The following PIK3CB variants were observed in gnomAD, a reference collection of about 807,000 sequenced individuals.
The protein encoded by PIK3CB is phosphatidylinositol-4,5-bisphosphate 3-kinase catalytic subunit beta, also known as phosphatidylinositol 4,5-bisphosphate 3-kinase catalytic subunit beta isoform.
Under a neutral mutation model 136.8 loss-of-function variants are expected in PIK3CB, and 39 were observed. That is an observed-to-expected ratio of 0.29 (90% CI 0.22 to 0.37). The LOEUF is 0.37. Among genes scored for constraint, PIK3CB ranks in the 10% least tolerant of loss-of-function variants. PIK3CB has a pLI of 1.00. For synonymous variants in PIK3CB, 428 were observed against 436.6 expected (o/e 0.98, Z 0.25); for missense variants, 868 against 1,275.4 (o/e 0.68, Z 4.87).
intron 1 of PIK3CB, chr3:138,797,133 C>A (rs1214954757): frequency 6.2e-6 from 1 of 160,978 alleles, no homozygotes; most frequent in African/African-American, 2.4e-5. Flanking sequence ...CTCTAGGACA[C>A]TGACATGGCC....
At chr3:138,672,709 C>A (rs541094398) in intron 19 of PIK3CB, among the ~76,000 whole-genome samples, 1 of 151,910 alleles carries the variant, frequency 6.6e-6, no homozygotes, top group African/African-American at 2.4e-5. Context: ...GTCAACAGTT[C>A]AAGACCAGCC....
At chr3:138,832,255 C>A (rs1294001800) in intron 1 of PIK3CB, among the ~76,000 whole-genome samples, 1 of 152,100 alleles carries the variant, frequency 6.6e-6, no homozygotes, top group Non-Finnish European at 1.5e-5. Context: ...AATGACAAAT[C>A]AAAACCCGAC....
chr3:138,751,105 A>T (rs1181594475), intron 4 of PIK3CB, among the ~76,000 whole-genome samples: 1 of 152,216 alleles, frequency 6.6e-6, no homozygotes, highest in African/African-American at 2.4e-5. Flanking sequence ...CTCTGAGCAT[A>T]TTCATTTTAA....
intron 1 of PIK3CB, chr3:138,825,594 C>T: frequency 1.6e-6 from 1 of 623,776 alleles, no homozygotes; most frequent in Non-Finnish European, 2.9e-6. Context: ...AGAAAGTCAC[C>T]CATAAAGATG....
chr3:138,753,033 G>A (rs1321786188), intron 4 of PIK3CB, among the ~76,000 whole-genome samples: 1 of 151,926 alleles, frequency 6.6e-6, no homozygotes, highest in Non-Finnish European at 1.5e-5. Context: ...CCACATCCTG[G>A]GTAACACAGT....
At chr3:138,829,276 A>T (rs1933922099) in intron 1 of PIK3CB, among the ~76,000 whole-genome samples, 1 of 152,154 alleles carries the variant, frequency 6.6e-6, no homozygotes, top group Non-Finnish European at 1.5e-5. Context: ...ATAAAATAAA[A>T]ATAAACAATT....
intron 21 of PIK3CB, among the ~76,000 whole-genome samples, chr3:138,661,220 T>C (rs546546709): frequency 3.2e-4 from 48 of 152,348 alleles, no homozygotes; most frequent in African/African-American, 9.4e-4. Context: ...CTTCAGAGAA[T>C]AAATCTATCT....
At chr3:138,790,178 C>A (rs1361180430) in intron 2 of PIK3CB, among the ~76,000 whole-genome samples, 2 of 151,938 alleles carry the variant, frequency 1.3e-5, no homozygotes, top group African/African-American at 4.8e-5. Flanking sequence ...TTCTCAGGGA[C>A]TAAAGAAGAG....
At chr3:138,792,046 G>A (rs2046057195) in intron 2 of PIK3CB, among the ~76,000 whole-genome samples, 2 of 151,992 alleles carry the variant, frequency 1.3e-5, no homozygotes, top group Non-Finnish European at 2.9e-5. Flanking sequence ...TATTGGATGC[G>A]GGGCCAGGCC....
At chr3:138,719,670 T>C (rs1216102769) in intron 8 of PIK3CB, among the ~76,000 whole-genome samples, 1 of 152,130 alleles carries the variant, frequency 6.6e-6, no homozygotes, top group Admixed American at 6.5e-5. Context: ...GTAAGAACCA[T>C]ACAACAATTA....
chr3:138,726,774 G>A (rs2044847798), intron 8 of PIK3CB, among the ~76,000 whole-genome samples: 1 of 152,066 alleles, frequency 6.6e-6, no homozygotes, highest in Non-Finnish European at 1.5e-5. Flanking sequence ...AGGCTCGGTG[G>A]CTCATGCCTG....
intron 1 of PIK3CB, among the ~76,000 whole-genome samples, chr3:138,809,606 C>CAAAAA (rs57717750): frequency 6.2e-5 from 7 of 113,612 alleles, no homozygotes; most frequent in African/African-American, 2.1e-4. Flanking sequence ...GACTTTGCCT[C>CAAAAA]AAAAAAAAAA....
intron 1 of PIK3CB, among the ~76,000 whole-genome samples, chr3:138,830,903 A>AAATAATCAT (rs774546180): frequency 1.5e-5 from 2 of 136,970 alleles, no homozygotes; most frequent in Admixed American, 1.5e-4. Context: ...CTCCGTCTCA[A>AAATAATCAT]AATAATAATA....
intron 4 of PIK3CB, among the ~76,000 whole-genome samples, chr3:138,745,851 G>C (rs2045344971): frequency 1.3e-5 from 2 of 152,156 alleles, no homozygotes; most frequent in Non-Finnish European, 2.9e-5. Flanking sequence ...CAAAACAGTA[G>C]TTAGCCTTCC....
chr3:138,689,303 C>G (rs1328650230), intron 15 of PIK3CB, among the ~76,000 whole-genome samples: 1 of 152,164 alleles, frequency 6.6e-6, no homozygotes, highest in African/African-American at 2.4e-5. Context: ...AAAATGAGTC[C>G]TGGACTTAGA....
At chr3:138,779,446 A>C (rs1468328699) in intron 2 of PIK3CB, among the ~76,000 whole-genome samples, 1 of 144,292 alleles carries the variant, frequency 6.9e-6, no homozygotes, top group Non-Finnish European at 1.5e-5. Flanking sequence ...GATGGAGTAC[A>C]GTGGCACGAT....
chr3:138,677,313 C>T (rs1360270073), intron 19 of PIK3CB, among the ~76,000 whole-genome samples: 3 of 152,112 alleles, frequency 2.0e-5, no homozygotes, highest in African/African-American at 7.2e-5. Context: ...CCCACCTTGG[C>T]CTCTCAAAGT....
intron 7 of PIK3CB, among the ~76,000 whole-genome samples, chr3:138,734,196 T>C (rs2045052101): frequency 6.6e-6 from 1 of 152,166 alleles, no homozygotes; most frequent in African/African-American, 2.4e-5. Context: ...GTGCCCTTCA[T>C]ATATGTTTAG....
Position 138,779,276 on chromosome 3 carries a change from C to A in PIK3CB, c.-17+17187G>T, listed in dbSNP as rs149227820. Among the ~76,000 whole-genome samples the A allele has an allele frequency of 8.6e-3, 1,296 of 151,264 alleles. 26 individuals are homozygous for A. Among genetic ancestry groups the A allele is most frequent in the African/African-American group, 0.028 (1,174 of 41,230 alleles). On this transcript the variant is annotated intron_variant, in intron 2 of 23. Transcript: ENST00000674063. ...AATTTTTTTGTATTTTTAGTAGAGACAGGGTTTCACCGTGTTAGCCAGGAT... is the reference window on the plus strand; with the variant it reads ...AATTTTTTTGTATTTTTAGTAGAGAAAGGGTTTCACCGTGTTAGCCAGGAT...
Sources: gnomAD v4.1 joint callset for allele counts (sites outside exome capture counted in the v4.1 genomes callset) on GRCh38, gnomAD v4.1.1 for gene constraint, MANE v1.5 for transcripts, NCBI Gene and HGNC (gene_info 2026-07-23, HGNC 2026-07-21) for gene names.